The following FAM107B variants were observed in gnomAD, a reference collection of about 807,000 sequenced individuals.
FAM107B encodes protein FAM107B.
Under a neutral mutation model 31.5 loss-of-function variants are expected in FAM107B, and 21 were observed. The ratio of observed to expected loss-of-function variants is 0.67; its 90% CI spans 0.47 to 0.96. The LOEUF is 0.96. Ranked by LOEUF, FAM107B falls within the 40% of genes least tolerant of loss-of-function variation. FAM107B has a pLI of 0.00. For missense variants in FAM107B, 452 were observed against 377.1 expected (o/e 1.20, Z -1.64); for synonymous variants, 157 against 141.5 (o/e 1.11, Z -0.78).
At position 14,628,538 on chromosome 10, in the gene FAM107B, A is replaced by C. The variant is rs147535860; in HGVS notation, c.469+39096T>G. On this transcript the variant is annotated intron_variant, in intron 2 of 4. Transcript: ENST00000181796. ...CAACTTCCTTGGGAAGTATTTGTAAACTTCTTAGAAAGATAAATGAAATGA... is the reference window on the plus strand; with the variant it reads ...CAACTTCCTTGGGAAGTATTTGTAACCTTCTTAGAAAGATAAATGAAATGA... Among the ~76,000 whole-genome samples the C allele has an allele frequency of 7.3e-3, 1,105 of 152,190 alleles. 8 individuals are homozygous for C. The highest frequency in any genetic ancestry group is 0.026 in the African/African-American group (1,070 of 41,526).
intron 2 of FAM107B, among the ~76,000 whole-genome samples, chr10:14,620,734 A>C (rs997122940): frequency 1.3e-5 from 2 of 151,994 alleles, no homozygotes; most frequent in African/African-American, 4.8e-5. Flanking sequence ...CCCTGTGTCC[A>C]TGTGTTCTTA....
At position 14,521,311 on chromosome 10, in the gene FAM107B, A is replaced by G; in HGVS notation, c.805-5T>C. 6.2e-7 allele frequency: 1 copy of G among 1,612,020 alleles called. No homozygotes were observed. The highest frequency in any genetic ancestry group is 8.5e-7 in the Non-Finnish European group (1 of 1,178,766). On this transcript the variant is annotated splice_polypyrimidine_tract_variant and splice_region_variant and intron_variant, in intron 4 of 4. Transcript: ENST00000181796. Reference sequence around the variant, plus strand: ...TTTCTGCTTCTCAAGTTCAAGCTAAATGACATTCAGAAAAGGAAAAATTAT... The same window carrying G: ...TTTCTGCTTCTCAAGTTCAAGCTAAGTGACATTCAGAAAAGGAAAAATTAT...
chr10:14,627,237 G>T (rs192918165), intron 2 of FAM107B, among the ~76,000 whole-genome samples: 219 of 152,314 alleles, frequency 1.4e-3, no homozygotes, highest in African/African-American at 5.1e-3. Context: ...AATTCTTAAA[G>T]TATTGCAATC....
chr10:14,724,405 T>C lies in FAM107B; in HGVS notation c.411+49848A>G, dbSNP rs7079530. 3.3e-3 allele frequency among the ~76,000 whole-genome samples: 499 copies of C among 152,334 alleles called. 2 individuals carry two copies. Among genetic ancestry groups the C allele is most frequent in the African/African-American group, 0.011 (459 of 41,584 alleles). ...TGTTGGAATCCTTGTCAAAAGCCAA[T>C]TGACTGTAAGTAAAGGGTTTATTTC... On this transcript the variant is annotated intron_variant, in intron 1 of 4. Coordinates refer to ENST00000181796, the MANE Select transcript of FAM107B (RefSeq NM_031453.4).
intron 1 of FAM107B, among the ~76,000 whole-genome samples, chr10:14,763,598 G>A (rs373329698): frequency 2.0e-5 from 3 of 152,124 alleles, no homozygotes; most frequent in Non-Finnish European, 4.4e-5. Context: ...GAAGGGTTCC[G>A]GCAAAAACTC....
intron 1 of FAM107B, among the ~76,000 whole-genome samples, chr10:14,674,209 T>C (rs527379353): frequency 6.6e-6 from 1 of 152,308 alleles, no homozygotes; most frequent in South Asian, 2.1e-4. Context: ...TTATGGCTAG[T>C]ACCTCAAAAA....
rs141326519 is a variant in FAM107B, at chr10:14,682,515, T to C, written c.412-14824A>G. 2.1e-3 allele frequency among the ~76,000 whole-genome samples: 315 copies of C among 151,908 alleles called. 2 individuals are homozygous for C. Among genetic ancestry groups the C allele is most frequent in the African/African-American group, 7.4e-3 (306 of 41,420 alleles). ...CTGCATTCCAGCTTGGGCAACAGAG[T>C]GAGACTCCATCTCAAAAATAAATAA... On this transcript the variant is annotated intron_variant, in intron 1 of 4. Coordinates refer to ENST00000181796, the MANE Select transcript of FAM107B (RefSeq NM_031453.4).
intron 1 of FAM107B, among the ~76,000 whole-genome samples, chr10:14,699,441 G>T (rs1287892701): frequency 2.0e-5 from 3 of 152,156 alleles, no homozygotes; most frequent in Non-Finnish European, 4.4e-5. Context: ...GTAAGTCCGG[G>T]TCCAAGCCCA....
chr10:14,611,528 A>ATT (rs1329162393), intron 2 of FAM107B, among the ~76,000 whole-genome samples: 4 of 127,990 alleles, frequency 3.1e-5, no homozygotes, highest in African/African-American at 1.2e-4. Context: ...ATATATATAT[A>ATT]TTCACCTAAC....
At chr10:14,579,576 A>AC (rs1851568918) in intron 2 of FAM107B, among the ~76,000 whole-genome samples, 1 of 152,242 alleles carries the variant, frequency 6.6e-6, no homozygotes, top group Non-Finnish European at 1.5e-5. Context: ...ATTCTACTTA[A>AC]GCAAATCCAG....
rs1564298843 is a variant in FAM107B at position 14,772,361 on chromosome 10, A to AT, written c.411+1891_411+1892insA. Among the ~76,000 whole-genome samples the AT allele has an allele frequency of 9.2e-3, 1,352 of 146,958 alleles. 24 individuals carry two copies. Among genetic ancestry groups the AT allele is most frequent in the African/African-American group, 0.033 (1,231 of 36,922 alleles). On this transcript the variant is annotated intron_variant, in intron 1 of 4. Coordinates refer to ENST00000181796, the MANE Select transcript of FAM107B (RefSeq NM_031453.4). Reference sequence around the variant, plus strand: ...AGAGCAAGACTCCATCTTAAAAAAAAAATATATATATATATATATGCACCT... The same window carrying AT: ...AGAGCAAGACTCCATCTTAAAAAAAATAATATATATATATATATATGCACCT...
At chr10:14,768,335 T>C (rs966656365) in intron 1 of FAM107B, among the ~76,000 whole-genome samples, 3 of 152,162 alleles carry the variant, frequency 2.0e-5, no homozygotes, top group Non-Finnish European at 2.9e-5. Context: ...CCCCAAATGA[T>C]CAAAACAATC....
intron 2 of FAM107B, among the ~76,000 whole-genome samples, chr10:14,617,233 C>T (rs1215549541): frequency 6.6e-6 from 1 of 152,128 alleles, no homozygotes; most frequent in Middle Eastern, 3.2e-3. Context: ...ACAAGCCTTT[C>T]CTGTTGAGAC....
At chr10:14,655,884 T>G (rs2131455038) in intron 2 of FAM107B, among the ~76,000 whole-genome samples, 1 of 152,190 alleles carries the variant, frequency 6.6e-6, no homozygotes, top group South Asian at 2.1e-4. Context: ...TGGGTGACAA[T>G]TACTCCTCAG....
intron 2 of FAM107B, among the ~76,000 whole-genome samples, chr10:14,590,815 C>G (rs1851990175): frequency 7.6e-6 from 1 of 131,552 alleles, no homozygotes; most frequent in South Asian, 2.3e-4. Context: ...AACCCTGTCT[C>G]TACTAAAAAA....
intron 1 of FAM107B, among the ~76,000 whole-genome samples, chr10:14,738,316 G>C (rs1475293512): frequency 1.3e-5 from 2 of 152,124 alleles, no homozygotes; most frequent in African/African-American, 4.8e-5. Context: ...AAAAGATAAG[G>C]CGTAGTTCAG....
intron 1 of FAM107B, among the ~76,000 whole-genome samples, chr10:14,675,909 G>C (rs1046204676): frequency 1.3e-5 from 2 of 152,186 alleles, no homozygotes; most frequent in African/African-American, 4.8e-5. Flanking sequence ...TGGAATCCCA[G>C]CATCTTGGGA....
intron 2 of FAM107B, among the ~76,000 whole-genome samples, chr10:14,573,953 C>G (rs1452040354): frequency 1.4e-5 from 1 of 70,572 alleles, no homozygotes; most frequent in African/African-American, 4.1e-5. Flanking sequence ...AGGAGTTTAT[C>G]TGCTCTTTCT....
chr10:14,740,376 T>C (rs1856408392), intron 1 of FAM107B, among the ~76,000 whole-genome samples: 2 of 152,212 alleles, frequency 1.3e-5, no homozygotes, highest in South Asian at 2.1e-4. Flanking sequence ...TACTGTATGA[T>C]TCCAACTTTA....
Sources: allele counts gnomAD v4.1 joint callset (sites outside exome capture counted in the v4.1 genomes callset), GRCh38; gene constraint gnomAD v4.1.1; transcripts MANE v1.5; gene names NCBI Gene and HGNC (gene_info 2026-07-23, HGNC 2026-07-21).